The following PACRGL variants were observed in gnomAD, a reference collection of about 807,000 sequenced individuals.
PACRGL encodes the protein parkin coregulated like.
In PACRGL, 38 loss-of-function variants were observed where a neutral mutation model predicts 34.5. That is an observed-to-expected ratio of 1.10 (90% CI 0.85 to 1.44). The LOEUF is 1.44. PACRGL is among the 40% of genes most tolerant of loss of function. The probability of loss-of-function intolerance (pLI) is 0.00; values close to 1 mark genes in which losing one functional copy is unlikely to be tolerated. For missense variants in PACRGL, 305 were observed against 281.4 expected, an observed-to-expected ratio of 1.08 and a Z score of -0.60; for synonymous variants, 128 against 100.1, an observed-to-expected ratio of 1.28 and a Z score of -1.66.
chr4:20,698,470 T>C (rs1164835165), upstream of PACRGL, among the ~76,000 whole-genome samples: 2 of 152,110 alleles, frequency 1.3e-5, no homozygotes, highest in African/African-American at 4.8e-5. Context: ...GGCTCAAAAA[T>C]CCATAGCTAT....
rs963188341 is a variant in PACRGL, at chr4:20,704,694, G to C, written c.87G>C (p.Gln29His). Residue 29 changes from glutamine to histidine, a missense_variant, in exon 3 of 9, where the codon CAG becomes CAC. By Grantham distance (24) the Gln-to-His change is conservative. Coordinates refer to ENST00000503585, the MANE Select transcript of PACRGL (RefSeq NM_001258345.3). ...NYDQRTSSST[Q>H]LKHRNAVQGS... Reference sequence around the variant, plus strand: ...ATCAAAGGACATCATCAAGCACACAGTTAAAACACAGGAATGCAGTTCAGG... The same window carrying C: ...ATCAAAGGACATCATCAAGCACACACTTAAAACACAGGAATGCAGTTCAGG... The C allele has an allele frequency of 5.0e-6, 8 of 1,613,980 alleles. No homozygotes were observed. Among genetic ancestry groups the C allele is most frequent in the Non-Finnish European group, 6.8e-6 (8 of 1,179,996 alleles).
intron 8 of PACRGL, among the ~76,000 whole-genome samples, chr4:20,744,582 A>G (rs1751984784): frequency 6.6e-6 from 1 of 151,854 alleles, no homozygotes; most frequent in South Asian, 2.1e-4. Flanking sequence ...ACACTTGGAC[A>G]TAGGATGGAG....
chr4:20,735,874 A>G (rs1749509799), downstream of PACRGL, among the ~76,000 whole-genome samples: 1 of 152,164 alleles, frequency 6.6e-6, no homozygotes, highest in African/African-American at 2.4e-5. Flanking sequence ...TAACGTTACA[A>G]TGTGCTGTAT....
downstream of PACRGL, among the ~76,000 whole-genome samples, chr4:20,755,952 T>A (rs531756370): frequency 6.6e-6 from 1 of 152,068 alleles, no homozygotes; most frequent in East Asian, 1.9e-4. Context: ...TAGCCACCAT[T>A]TGTAGGCCAC....
chr4:20,749,873 C>G (rs1009586359), intron 8 of PACRGL: 1 of 543,278 alleles, frequency 1.8e-6, no homozygotes, highest in Admixed American at 3.1e-5. Context: ...ACTGCTTACC[C>G]TCTTTCTGTA....
chr4:20,729,954 A>G lies in PACRGL; in HGVS notation c.*2613A>G. The G allele has an allele frequency of 8.8e-7, 1 of 1,137,596 alleles. No homozygotes were observed. Among genetic ancestry groups the G allele is most frequent in the Non-Finnish European group, 1.2e-6 (1 of 839,498 alleles). 70.5% of individuals were successfully genotyped at this position (1,137,596 alleles called of 1,614,324 possible). On this transcript the variant is annotated 3_prime_UTR_variant, in exon 9 of 9. Transcript: ENST00000503585. ...CTTTTGGGGATTGCTTTATATTAAAACAAAGCTTGTTTGCATAATATGCTT... is the reference window on the plus strand; with the variant it reads ...CTTTTGGGGATTGCTTTATATTAAAGCAAAGCTTGTTTGCATAATATGCTT...
the PACRGL span, among the ~76,000 whole-genome samples, chr4:20,762,949 G>A: frequency 1.4e-5 from 1 of 73,280 alleles, no homozygotes; most frequent in African/African-American, 7.6e-5. Flanking sequence ...TTCTTCACAA[G>A]GCAGCAAGAA....
chr4:20,716,326 A>T (rs926159590), intron 7 of PACRGL: 3 of 576,092 alleles, frequency 5.2e-6, no homozygotes, highest in Non-Finnish European at 9.1e-6. Flanking sequence ...GAAGTTATTC[A>T]TGCAGTGTTT....
At chr4:20,734,810 T>C (rs563649940), downstream of PACRGL, 4 of 792,974 alleles carry the variant, frequency 5.0e-6, no homozygotes, top group African/African-American at 3.6e-5. Context: ...ATGATGTAAG[T>C]AAGGGCTACA....
Position 20,729,493 on chromosome 4 carries a change from TTTTTAAATGTTTAAAA to T in PACRGL, c.*2153_*2168del, listed in dbSNP as rs1747285260. 6.6e-6 allele frequency: 1 copy of T among 150,810 alleles called. No individual in the cohort carries two copies. The highest frequency in any genetic ancestry group is 2.4e-5 in the African/African-American group (1 of 41,294). The allele number at this position is 150,810 out of a possible 1,614,324, so 9.3% of individuals were successfully genotyped here. A position where few individuals can be genotyped will look rare whatever the true frequency, so the allele number is the denominator to read the frequency against. Reference sequence around the variant, plus strand: ...AAACTAATTTTTAAATGTTTAATAATTTTTAAATGTTTAAAAATGCCAGATAAAACTAATTTCTAAC... The same window carrying T: ...AAACTAATTTTTAAATGTTTAATAATATGCCAGATAAAACTAATTTCTAAC... On this transcript the variant is annotated 3_prime_UTR_variant, in exon 9 of 9. Coordinates refer to ENST00000503585, the MANE Select transcript of PACRGL (RefSeq NM_001258345.3).
rs778187904 is a variant in PACRGL, at chr4:20,700,761, A to G, written c.-43A>G. On this transcript the variant is annotated 5_prime_UTR_variant, in exon 1 of 9. Transcript: ENST00000503585. ...CTGGGGTAGAGGGTCAGTCGAGAGT[A>G]GCCTTCGTTAACCTTAATTGAAACT... The G allele has an allele frequency of 6.6e-6, 1 of 152,164 alleles. No individual in the cohort carries two copies. The highest frequency in any genetic ancestry group is 1.5e-5 in the Non-Finnish European group (1 of 68,050). The allele number at this position is 152,164 out of a possible 1,614,324, so 9.4% of individuals were successfully genotyped here.
chr4:20,709,875 A>G, intron 5 of PACRGL, 102 bp downstream of exon 5: 1 of 909,958 alleles, frequency 1.1e-6, no homozygotes, highest in South Asian at 1.4e-5. Context: ...TATGCCTTTG[A>G]AAAACGAAGC....
chr4:20,704,668 G>T lies in PACRGL; in HGVS notation c.61G>T (p.Asp21Tyr). The change falls in exon 3 of 9, where the codon GAT (aspartate) becomes TAT (tyrosine). Residue 21 changes from aspartate to tyrosine, a missense_variant. By Grantham distance (160) the Asp-to-Tyr change is radical (BLOSUM62 -3). Transcript: ENST00000503585. Reference protein sequence around the residue: ...QLKNRATGNYDQRTSSSTQLK... With the variant: ...QLKNRATGNYYQRTSSSTQLK... ...GTTCTGTTTTTTTCCAGGTAACTAT[G>T]ATCAAAGGACATCATCAAGCACACA... is the stretch of plus-strand genomic sequence containing the variant. 6.2e-7 allele frequency: 1 copy of T among 1,614,058 alleles called. No individual in the cohort carries two copies. The highest frequency in any genetic ancestry group is 8.5e-7 in the Non-Finnish European group (1 of 1,179,980).
Position 20,728,934 on chromosome 4 carries a change from T to C in PACRGL, c.*1593T>C, listed in dbSNP as rs1320648361. Reference sequence around the variant, plus strand: ...TTGGCTAAGATGATTAAAAATAATCTGAATTATGATGAGCTAAATCATACT... The same window carrying C: ...TTGGCTAAGATGATTAAAAATAATCCGAATTATGATGAGCTAAATCATACT... On this transcript the variant is annotated 3_prime_UTR_variant, in exon 9 of 9. Coordinates refer to ENST00000503585, the MANE Select transcript of PACRGL (RefSeq NM_001258345.3). 6.6e-6 allele frequency: 1 copy of C among 152,136 alleles called. No individual in the cohort carries two copies. The highest frequency in any genetic ancestry group is 2.4e-5 in the African/African-American group (1 of 41,338). The allele number at this position is 152,136 out of a possible 1,614,324, so 9.4% of individuals were successfully genotyped here. A position where few individuals can be genotyped will look rare whatever the true frequency, so the allele number is the denominator to read the frequency against.
At chr4:20,756,492 T>TA (rs1380179811), downstream of PACRGL, among the ~76,000 whole-genome samples, 4 of 152,304 alleles carry the variant, frequency 2.6e-5, no homozygotes, top group African/African-American at 9.6e-5. Flanking sequence ...CATTAAAAGA[T>TA]AAAGTCTTCC....
chr4:20,720,296 G>A (rs561163410), intron 7 of PACRGL, among the ~76,000 whole-genome samples: 11 of 152,300 alleles, frequency 7.2e-5, no homozygotes, highest in Admixed American at 2.0e-4. Context: ...CTGCCAGTCT[G>A]TGTCTTTTAA....
intron 7 of PACRGL, 80 bp downstream of exon 7, chr4:20,713,619 A>G: frequency 8.1e-7 from 1 of 1,241,480 alleles, no homozygotes; most frequent in Non-Finnish European, 1.2e-6. Context: ...TAACAATTTC[A>G]AATCTTCAAC....
downstream of PACRGL, among the ~76,000 whole-genome samples, chr4:20,733,664 A>T (rs1437455092): frequency 6.6e-6 from 1 of 152,192 alleles, no homozygotes; most frequent in Admixed American, 6.5e-5. Flanking sequence ...AACAAGAGAT[A>T]TTTAAGGTAT....
Position 20,731,335 on chromosome 4 carries a change from T to G in PACRGL, c.*3994T>G. 1 of 929,136 alleles carries G rather than the reference T, an allele frequency of 1.1e-6. No individual in the cohort carries two copies. The highest frequency in any genetic ancestry group is 4.9e-5 in the South Asian group (1 of 20,240). The allele number at this position is 929,136 out of a possible 1,614,324, so 57.6% of individuals were successfully genotyped here. ...GTTATCTTCCCGCCTCAGCCTCCCA[T>G]AGTGCTGGGATTACAGTTGTGAGCT... On this transcript the variant is annotated 3_prime_UTR_variant, in exon 9 of 9. Transcript: ENST00000503585.
Sources: allele counts gnomAD v4.1 joint callset (sites outside exome capture counted in the v4.1 genomes callset), GRCh38; gene constraint gnomAD v4.1.1; transcripts MANE v1.5; gene names NCBI Gene and HGNC (gene_info 2026-07-23, HGNC 2026-07-21).